Variants in TLE1 observed in about 807,000 individuals in gnomAD.
TLE1 encodes transducin-like enhancer protein 1.
Under a neutral mutation model 89.8 loss-of-function variants are expected in TLE1, and 21 were observed. That is an observed-to-expected ratio of 0.23 (90% CI 0.17 to 0.34). The LOEUF (loss-of-function observed/expected upper bound fraction) is 0.34, where lower values mean the gene tolerates loss of function less well. Ranked by LOEUF, TLE1 falls within the 10% of genes least tolerant of loss-of-function variation. The probability of loss-of-function intolerance (pLI) is 1.00; values close to 1 mark genes in which losing one functional copy is unlikely to be tolerated. For missense variants in TLE1, 795 were observed against 1,031.2 expected (o/e 0.77, Z 3.14); for synonymous variants, 447 against 407.6 (o/e 1.10, Z -1.16).
intron 6 of TLE1, among the ~76,000 whole-genome samples, chr9:81,644,433 A>C (rs1036933891): frequency 6.6e-6 from 1 of 152,216 alleles, no homozygotes; most frequent in South Asian, 2.1e-4. Flanking sequence ...TAAACCTTGA[A>C]AACATGCTAA....
chr9:81,644,422 A>G (rs1828560490), intron 6 of TLE1, among the ~76,000 whole-genome samples: 1 of 152,234 alleles, frequency 6.6e-6, no homozygotes, highest in African/African-American at 2.4e-5. Context: ...GACAACATGG[A>G]TAAACCTTGA....
At chr9:81,591,428 G>A (rs62578589) in intron 15 of TLE1, among the ~76,000 whole-genome samples, 12,223 of 152,130 alleles carry the variant, frequency 0.08, 582 homozygotes, top group Middle Eastern at 0.14. Flanking sequence ...TCTATGTTTC[G>A]GTCTTCGTTA....
intron 6 of TLE1, among the ~76,000 whole-genome samples, chr9:81,651,923 C>G (rs1302662126): frequency 2.0e-5 from 3 of 151,856 alleles, no homozygotes; most frequent in Non-Finnish European, 2.9e-5. Context: ...CCAGAGTAGG[C>G]AAAATACCAA....
chr9:81,650,046 T>C (rs922209985), intron 6 of TLE1, among the ~76,000 whole-genome samples: 1 of 152,142 alleles, frequency 6.6e-6, no homozygotes, highest in African/African-American at 2.4e-5. Flanking sequence ...GGCCTAAGTC[T>C]CGCTTGCATT....
intron 14 of TLE1, among the ~76,000 whole-genome samples, chr9:81,608,638 T>A (rs936733109): frequency 6.6e-6 from 1 of 152,030 alleles, no homozygotes; most frequent in Admixed American, 6.6e-5. Context: ...CACCAGTACC[T>A]TTATTGAAAC....
chr9:81,647,189 G>A (rs773528487), intron 6 of TLE1, among the ~76,000 whole-genome samples: 7 of 152,116 alleles, frequency 4.6e-5, no homozygotes, highest in Non-Finnish European at 1.0e-4. Context: ...TTTTGTGGAC[G>A]GGAGGACAGT....
intron 5 of TLE1, 142 bp downstream of exon 5, chr9:81,653,832 T>C (rs904569134): frequency 1.9e-5 from 13 of 682,624 alleles, no homozygotes; most frequent in Admixed American, 7.2e-5. Context: ...TTGGATAGAC[T>C]AGCAGGGGGT....
At chr9:81,686,870 A>T (rs1462689131) in intron 2 of TLE1, among the ~76,000 whole-genome samples, 1 of 152,156 alleles carries the variant, frequency 6.6e-6, no homozygotes, top group African/African-American at 2.4e-5. Flanking sequence ...ATCACCAATG[A>T]TGGGCAATGT....
rs376330585 is a variant in TLE1 at position 81,666,145 on chromosome 9, T to C, written c.235-12109A>G. Among the ~76,000 whole-genome samples, 11 of 152,288 alleles carry C rather than the reference T, an allele frequency of 7.2e-5. 1 individual carries two copies. Among genetic ancestry groups the C allele is most frequent in the African/African-American group, 2.4e-4 (10 of 41,564 alleles). On this transcript the variant is annotated intron_variant, in intron 4 of 19. Coordinates refer to ENST00000376499, the MANE Select transcript of TLE1 (RefSeq NM_005077.5). ...AAGAGCCTGTTCACAGGAAATGGTA[T>C]TGACTTGTCCCAGGATGGAAAAAGG...
At chr9:81,663,728 T>C (rs893988038) in intron 4 of TLE1, among the ~76,000 whole-genome samples, 1 of 150,984 alleles carries the variant, frequency 6.6e-6, no homozygotes, top group African/African-American at 2.4e-5. Flanking sequence ...GTTCACGCCA[T>C]TCTCACGCCT....
chr9:81,634,392 C>T, intron 6 of TLE1, 91 bp from the exon 7 acceptor site: 1 of 1,075,622 alleles, frequency 9.3e-7, no homozygotes. Flanking sequence ...CAGGGGAAAA[C>T]AGACATGACA....
chr9:81,586,499 G>C (rs74710297), intron 17 of TLE1, among the ~76,000 whole-genome samples: 1 of 152,192 alleles, frequency 6.6e-6, no homozygotes, highest in African/African-American at 2.4e-5. Flanking sequence ...AAAAGGTACA[G>C]TAAAAATATA....
chr9:81,604,683 T>G (rs1022705888), intron 14 of TLE1, among the ~76,000 whole-genome samples: 1 of 152,124 alleles, frequency 6.6e-6, no homozygotes, highest in Non-Finnish European at 1.5e-5. Flanking sequence ...GAACCATGGA[T>G]GAGCATTTAT....
chr9:81,622,210 A>G (rs1288890518), intron 8 of TLE1, among the ~76,000 whole-genome samples: 1 of 152,118 alleles, frequency 6.6e-6, no homozygotes, highest in Non-Finnish European at 1.5e-5. Flanking sequence ...CTCCTAGTTT[A>G]CTTCAGCCCC....
At chr9:81,595,830 A>T (rs932321744) in intron 14 of TLE1, among the ~76,000 whole-genome samples, 240 of 152,008 alleles carry the variant, frequency 1.6e-3, no homozygotes, top group Middle Eastern at 6.8e-3. Context: ...AAAAAAAAAA[A>T]AAATTAAAAA....
chr9:81,610,677 C>T (rs548135458), intron 13 of TLE1, among the ~76,000 whole-genome samples: 4 of 152,066 alleles, frequency 2.6e-5, no homozygotes, highest in African/African-American at 4.8e-5. Context: ...CCGTCCTGGG[C>T]GTTGCAGGAT....
intron 8 of TLE1, chr9:81,620,861 T>C: frequency 1.2e-6 from 1 of 824,930 alleles, no homozygotes; most frequent in East Asian, 4.0e-5. Context: ...TATGTGGATG[T>C]GTTTTTATTC....
chr9:81,592,444 C>A (rs1391473060), intron 15 of TLE1, among the ~76,000 whole-genome samples: 1 of 152,174 alleles, frequency 6.6e-6, no homozygotes, highest in African/African-American at 2.4e-5. Context: ...AGGCTCTGAG[C>A]GGACGTGGCT....
At chr9:81,593,816 A>G (rs1023488898) in intron 14 of TLE1, among the ~76,000 whole-genome samples, 5 of 152,228 alleles carry the variant, frequency 3.3e-5, no homozygotes, top group African/African-American at 9.6e-5. Context: ...AAGGAAGAGA[A>G]AATAAGAGAT....
Sources: gnomAD v4.1 joint callset for allele counts (sites outside exome capture counted in the v4.1 genomes callset) on GRCh38, gnomAD v4.1.1 for gene constraint, MANE v1.5 for transcripts, NCBI Gene and HGNC (gene_info 2026-07-23, HGNC 2026-07-21) for gene names.